Variants in MLPH observed in about 807,000 individuals in gnomAD.
The protein encoded by MLPH is exophilin-3.
Under a neutral mutation model 72.1 loss-of-function variants are expected in MLPH, and 51 were observed. The ratio of observed to expected loss-of-function variants is 0.71; its 90% confidence interval spans 0.56 to 0.89. The LOEUF (loss-of-function observed/expected upper bound fraction) is 0.89. MLPH is among the 40% of genes least tolerant of loss of function. The pLI is 0.00. For missense variants in MLPH, 743 were observed against 759.9 expected, an observed-to-expected ratio of 0.98 and a Z score of 0.26; for synonymous variants, 301 against 310.1, an observed-to-expected ratio of 0.97 and a Z score of 0.31.
chr2:237,501,260 T>C (rs931361881), intron 2 of MLPH, among the ~76,000 whole-genome samples: 3 of 152,104 alleles, frequency 2.0e-5, no homozygotes, highest in African/African-American at 4.8e-5. Context: ...TGGGCTCACA[T>C]TGGATGATGA....
chr2:237,546,705 C>T (rs1263975564), intron 13 of MLPH, 22 bp downstream of exon 13: 1 of 1,598,070 alleles, frequency 6.3e-7, no homozygotes, highest in South Asian at 1.1e-5. Flanking sequence ...TCCATTCAAG[C>T]CCCAGACACC....
chr2:237,489,085 C>T (rs1243501389), intron 1 of MLPH, among the ~76,000 whole-genome samples: 1 of 152,190 alleles, frequency 6.6e-6, no homozygotes, highest in Non-Finnish European at 1.5e-5. Context: ...AACTAAGACC[C>T]TGAGAGGAGG....
chr2:237,493,598 T>C, intron 2 of MLPH, 62 bp downstream of exon 2: 1 of 1,303,606 alleles, frequency 7.7e-7, no homozygotes, highest in Admixed American at 1.7e-5. Flanking sequence ...AGGGCCATCA[T>C]ATGGGTGCTG....
intron 6 of MLPH, among the ~76,000 whole-genome samples, chr2:237,524,321 A>ATAT (rs1559357447): frequency 6.8e-6 from 1 of 146,226 alleles, no homozygotes; most frequent in African/African-American, 2.7e-5. Flanking sequence ...ATATATATAT[A>ATAT]AAGGGGAGTT....
rs2081093436 is a variant in MLPH, at chr2:237,554,437, C to T, written c.*845C>T. 6.5e-6 allele frequency: 1 copy of T among 154,660 alleles called. No individual in the cohort carries two copies. Among genetic ancestry groups the T allele is most frequent in the Non-Finnish European group, 1.4e-5 (1 of 69,606 alleles). The allele number at this position is 154,660 out of a possible 1,614,324, so 9.6% of individuals were successfully genotyped here. A position where few individuals can be genotyped will look rare whatever the true frequency, so the allele number is the denominator to read the frequency against. ...TCTGCCAAGGATGGGGGTGCAGAGG[C>T]CACAGGAGTCAGCTTGCCACTCGCC... On this transcript the variant is annotated 3_prime_UTR_variant, in exon 16 of 16. Coordinates refer to ENST00000264605, the MANE Select transcript of MLPH (RefSeq NM_024101.7).
intron 14 of MLPH, among the ~76,000 whole-genome samples, chr2:237,551,294 G>A (rs7604905): frequency 0.11 from 16,369 of 152,300 alleles, 2,982 homozygotes; most frequent in African/African-American, 0.37. Flanking sequence ...TGCAGAGAGG[G>A]GAACAGCACA....
chr2:237,506,738 G>A (rs2106489149), intron 2 of MLPH, among the ~76,000 whole-genome samples: 1 of 152,340 alleles, frequency 6.6e-6, no homozygotes, highest in South Asian at 2.1e-4. Flanking sequence ...CTGTCTGCCT[G>A]TGGATTTCAT....
At chr2:237,545,768 G>A (rs762157083) in intron 12 of MLPH, 72 of 622,868 alleles carry the variant, frequency 1.2e-4, no homozygotes, top group Admixed American at 1.8e-4. Flanking sequence ...GGGTCATGAC[G>A]GAAAATACAG....
intron 1 of MLPH, among the ~76,000 whole-genome samples, chr2:237,488,836 C>A (rs6739320): frequency 6.6e-6 from 1 of 152,164 alleles, no homozygotes; most frequent in East Asian, 1.9e-4. Flanking sequence ...TGCCTTTCAA[C>A]CACAATGCAA....
intron 14 of MLPH, 53 bp from the exon 15 acceptor site, chr2:237,552,283 TG>T: frequency 6.6e-7 from 1 of 1,516,362 alleles, no homozygotes; most frequent in Non-Finnish European, 9.2e-7. Flanking sequence ...GGCACTTGTT[TG>T]GGCTAAGTAT....
In MLPH at chr2:237,510,956, G is replaced by T. The variant is rs1392196392; in HGVS notation, c.333-33G>T. ...TATGCAGGCCTGTGTACAGCACTCAGGCAGTGCCATGAGCCTGTGCTTGTC... is the reference window on the plus strand; with the variant it reads ...TATGCAGGCCTGTGTACAGCACTCATGCAGTGCCATGAGCCTGTGCTTGTC... On this transcript the variant is annotated intron_variant, in intron 3 of 15. Transcript: ENST00000264605. The surrounding 1 kb of genome is among the most constrained non-coding windows in gnomAD (Gnocchi z 4.4). 1 of 1,582,124 alleles carries T rather than the reference G, an allele frequency of 6.3e-7. No homozygotes were observed. The highest frequency in any genetic ancestry group is 1.1e-5 in the South Asian group (1 of 90,306).
At chr2:237,498,220 A>T (rs1363132841) in intron 2 of MLPH, among the ~76,000 whole-genome samples, 1 of 152,212 alleles carries the variant, frequency 6.6e-6, no homozygotes, top group African/African-American at 2.4e-5. Context: ...TTAAGAGCGG[A>T]TTCACTTAAT....
intron 2 of MLPH, among the ~76,000 whole-genome samples, chr2:237,508,522 G>A (rs2079823771): frequency 6.6e-6 from 1 of 152,134 alleles, no homozygotes; most frequent in African/African-American, 2.4e-5. Flanking sequence ...CACCTTCAGT[G>A]CAGGCATCAA....
chr2:237,528,600 C>T (rs1487589390), intron 8 of MLPH, among the ~76,000 whole-genome samples: 2 of 152,148 alleles, frequency 1.3e-5, no homozygotes, highest in Admixed American at 1.3e-4. Flanking sequence ...ATCCCCCCAC[C>T]TTGGCCTCCC....
chr2:237,534,284 T>C (rs2080485999), intron 8 of MLPH, among the ~76,000 whole-genome samples: 1 of 152,168 alleles, frequency 6.6e-6, no homozygotes, highest in South Asian at 2.1e-4. Flanking sequence ...CCTTCCAGAT[T>C]CAGCTCCTTG....
chr2:237,510,619 G>A lies in MLPH; in HGVS notation c.156G>A (p.Leu52=), dbSNP rs1222406233. 40 of 1,613,676 alleles carry A rather than the reference G, an allele frequency of 2.5e-5. No individual in the cohort carries two copies. Among genetic ancestry groups the A allele is most frequent in the Non-Finnish European group, 3.2e-5 (38 of 1,180,032 alleles). Residue 52 remains leucine (L), a synonymous_variant, in exon 3 of 16, where the codon CTG becomes CTA. Transcript: ENST00000264605. The surrounding 1 kb of genome is among the most constrained non-coding windows in gnomAD (Gnocchi z 4.4). The part of the protein sequence containing the change: ...KIKKESSKRE[L]LSDTAHLNET... ...AGAAGGAAAGCTCCAAGAGGGAGCT[G>A]CTTTCCGACACTGCCCATCTGAACG... is the stretch of plus-strand genomic sequence containing the variant.
intron 13 of MLPH, among the ~76,000 whole-genome samples, chr2:237,548,373 C>T (rs570106184): frequency 1.3e-5 from 2 of 152,334 alleles, no homozygotes; most frequent in Non-Finnish European, 2.9e-5. Flanking sequence ...CTCTTCACTT[C>T]CCTGAAAAGC....
intron 11 of MLPH, among the ~76,000 whole-genome samples, 175 bp from the exon 12 acceptor site, chr2:237,542,388 GATAA>G (rs2080710344): frequency 6.6e-6 from 1 of 152,256 alleles, no homozygotes; most frequent in Non-Finnish European, 1.5e-5. Context: ...AACCACAGAA[GATAA>G]ATGCCAAGGG....
rs2080328763 is a variant in MLPH at position 237,527,461 on chromosome 2, A to G, written c.965A>G (p.His322Arg). The G allele has an allele frequency of 1.9e-6, 3 of 1,614,082 alleles. No individual in the cohort carries two copies. Among genetic ancestry groups the G allele is most frequent in the Non-Finnish European group, 2.5e-6 (3 of 1,180,028 alleles). ...TCTGATGAGGAAAGCATCCGGGCTC[A>G]CGTGATGGCCTCCCACCATTCCAAG... is the stretch of plus-strand genomic sequence containing the variant. ...DTSDEESIRA[H>R]VMASHHSKRR... is the part of the protein sequence containing the mutation. The change falls in exon 8 of 16, where the codon CAC (histidine) becomes CGC (arginine). Residue 322 changes from histidine (H) to arginine (R), a missense_variant. Physicochemically the swap from His to Arg is conservative, Grantham distance 29 (BLOSUM62 0). Transcript: ENST00000264605.
Sources: allele counts gnomAD v4.1 joint callset (sites outside exome capture counted in the v4.1 genomes callset), GRCh38; gene constraint gnomAD v4.1.1; non-coding constraint Gnocchi (gnomAD v3.1); transcripts MANE v1.5; gene names NCBI Gene and HGNC (gene_info 2026-07-23, HGNC 2026-07-21).